DENND2B: variants seen among roughly 807,000 people sequenced by gnomAD.
DENND2B encodes DENN domain-containing protein 2B.
A neutral mutation model predicts 116.0 loss-of-function variants in DENND2B; 32 were observed. That is an observed-to-expected ratio of 0.28 (90% CI 0.21 to 0.37). The LOEUF (loss-of-function observed/expected upper bound fraction) is 0.37. DENND2B is among the 10% of genes least tolerant of loss of function. DENND2B has a pLI of 1.00. For synonymous variants in DENND2B, 588 were observed against 583.9 expected (o/e 1.01, Z -0.10); for missense variants, 1,276 against 1,477.7 (o/e 0.86, Z 2.24).
chr11:8,753,624 C>A (rs2052986401), intron 1 of DENND2B, among the ~76,000 whole-genome samples: 1 of 150,690 alleles, frequency 6.6e-6, no homozygotes, highest in Admixed American at 6.6e-5. Context: ...AAAAGATGAA[C>A]AAAGTTAGAA....
chr11:8,867,060 G>A (rs2063605790), intron 2 of DENND2B, among the ~76,000 whole-genome samples: 1 of 152,186 alleles, frequency 6.6e-6, no homozygotes, highest in African/African-American at 2.4e-5. Flanking sequence ...TTTTCTGCCT[G>A]TCAAGCTGCC....
intron 13 of DENND2B, among the ~76,000 whole-genome samples, chr11:8,705,682 T>C (rs547883794): frequency 2.4e-4 from 36 of 152,342 alleles, no homozygotes; most frequent in Admixed American, 1.2e-3. Flanking sequence ...CCCATCTCAG[T>C]ACATGGCTCC....
At chr11:8,800,502 G>C (rs1450199473) in intron 1 of DENND2B, among the ~76,000 whole-genome samples, 1 of 152,124 alleles carries the variant, frequency 6.6e-6, no homozygotes, top group Non-Finnish European at 1.5e-5. Flanking sequence ...CTGAAGAACA[G>C]GATGTTTGAC....
intron 1 of DENND2B, among the ~76,000 whole-genome samples, chr11:8,759,963 T>C (rs553857815): frequency 6.6e-6 from 1 of 152,172 alleles, no homozygotes; most frequent in Non-Finnish European, 1.5e-5. Flanking sequence ...AACCTCACCC[T>C]CAGCACTTGT....
intron 4 of DENND2B, among the ~76,000 whole-genome samples, chr11:8,833,953 G>A (rs930276744): frequency 1.3e-5 from 2 of 152,182 alleles, no homozygotes; most frequent in African/African-American, 4.8e-5. Flanking sequence ...ACCTTACCCT[G>A]TGGCCACAGA....
upstream of DENND2B, chr11:8,810,843 T>TCTCTCTCTCTCTCTCTCTCTC (rs1555203595): frequency 7.2e-5 from 11 of 152,026 alleles, no homozygotes; most frequent in African/African-American, 2.0e-4. Context: ...TCTCTCTCAG[T>TCTCTCTCTCTCTCTCTCTCTC]TCTGGGAGGC....
chr11:8,839,124 T>A (rs1166455152), intron 4 of DENND2B, among the ~76,000 whole-genome samples: 1 of 152,162 alleles, frequency 6.6e-6, no homozygotes, highest in Non-Finnish European at 1.5e-5. Context: ...GAATAAAGCT[T>A]GCAACATGAT....
intron 1 of DENND2B, among the ~76,000 whole-genome samples, chr11:8,778,507 T>C (rs920943477): frequency 3.9e-5 from 6 of 152,222 alleles, no homozygotes; most frequent in Admixed American, 3.3e-4. Flanking sequence ...ATACTACCCA[T>C]GTCTGTTGTT....
At chr11:8,798,696 G>A (rs911553619) in intron 1 of DENND2B, among the ~76,000 whole-genome samples, 6 of 152,024 alleles carry the variant, frequency 3.9e-5, no homozygotes, top group African/African-American at 1.4e-4. Flanking sequence ...ACATCTAAAT[G>A]GAGGGAAAAA....
At chr11:8,816,395 T>TA in intron 4 of DENND2B, among the ~76,000 whole-genome samples, 1 of 152,006 alleles carries the variant, frequency 6.6e-6, no homozygotes, top group Non-Finnish European at 1.5e-5. Flanking sequence ...ATAATAATTT[T>TA]AAAAAATTGG....
chr11:8,806,436 T>C (rs1357649639), intron 1 of DENND2B, among the ~76,000 whole-genome samples: 2 of 152,076 alleles, frequency 1.3e-5, no homozygotes, highest in Non-Finnish European at 2.9e-5. Context: ...GACAGTGAAA[T>C]CTAACATTCA....
Position 8,708,114 on chromosome 11 carries a change from C to T in DENND2B, c.2353-260G>A, listed in dbSNP as rs2042939346. The T allele has an allele frequency of 4.3e-6, 6 of 1,398,062 alleles. No individual in the cohort carries two copies. The East Asian group carries it at 1.7e-4, about 40-fold the overall frequency. The allele number at this position is 1,398,062 out of a possible 1,614,324, so 86.6% of individuals were successfully genotyped here. On this transcript the variant is annotated intron_variant, in intron 11 of 19. Transcript: ENST00000313726. ...GCTCCACACAGGCTCCACCCTTCCT[C>T]CCAGGAGGACGCTGACGGGGGCTGG...
intron 1 of DENND2B, among the ~76,000 whole-genome samples, chr11:8,793,753 C>T (rs902908931): frequency 2.6e-5 from 4 of 152,104 alleles, no homozygotes; most frequent in Non-Finnish European, 5.9e-5. Flanking sequence ...GGTCATATGG[C>T]AATTTGGGGC....
At chr11:8,849,218 C>T (rs1030998489) in intron 3 of DENND2B, among the ~76,000 whole-genome samples, 1 of 152,052 alleles carries the variant, frequency 6.6e-6, no homozygotes, top group African/African-American at 2.4e-5. Flanking sequence ...ACAGGCCGGG[C>T]GCGGTGGCTC....
Position 8,717,846 on chromosome 11 carries a change from G to C in DENND2B, c.1524C>G (p.Ser508Arg). 2 of 1,613,288 alleles carry C rather than the reference G, an allele frequency of 1.2e-6. No individual in the cohort carries two copies. Among genetic ancestry groups the C allele is most frequent in the Non-Finnish European group, 1.7e-6 (2 of 1,179,544 alleles). Residue 508 changes from serine (S) to arginine (R), a missense_variant, in exon 5 of 20, where the codon AGC becomes AGG. Physicochemically the swap from Ser to Arg is moderately radical, Grantham distance 110 (BLOSUM62 -1). Transcript: ENST00000313726. ...GCTGGGATTTTCGTCCTGCTCTTCG[G>C]CTCTTTAAGTCCACATCCTCATATG... Reference protein sequence around the residue: ...ENPYEDVDLKSRRAGRKSQQL... With the variant: ...ENPYEDVDLKRRRAGRKSQQL...
intron 2 of DENND2B, among the ~76,000 whole-genome samples, chr11:8,860,411 G>A (rs1023025446): frequency 6.6e-6 from 1 of 151,888 alleles, no homozygotes; most frequent in South Asian, 2.1e-4. Context: ...CCACCAAGAT[G>A]AGAATCAAAT....
chr11:8,816,324 T>A (rs1016856898), intron 4 of DENND2B, among the ~76,000 whole-genome samples: 1 of 152,054 alleles, frequency 6.6e-6, no homozygotes, highest in Non-Finnish European at 1.5e-5. Flanking sequence ...GGTGGGAGAA[T>A]TGCTTGAGCC....
rs562747478 is a variant in DENND2B, at chr11:8,823,483, G to A, written c.-114-12148C>T. Among the ~76,000 whole-genome samples the A allele has an allele frequency of 3.3e-5, 5 of 152,276 alleles. No homozygotes were observed. The South Asian group carries it at 1.0e-3, about 32-fold the overall frequency. On this transcript the variant is annotated intron_variant, in intron 4 of 6. Coordinates refer to the DENND2B transcript ENST00000524757. ...CACCACCCAAATCTCATCTTGAATT[G>A]TAGTTCCCATAATCCCCAGGTGTCA...
intron 1 of DENND2B, among the ~76,000 whole-genome samples, chr11:8,758,376 A>G (rs2053975651): frequency 6.6e-6 from 1 of 152,006 alleles, no homozygotes; most frequent in Non-Finnish European, 1.5e-5. Context: ...AGCATTACCA[A>G]TGGCTCATCT....
Sources: allele counts gnomAD v4.1 joint callset (sites outside exome capture counted in the v4.1 genomes callset), GRCh38; gene constraint gnomAD v4.1.1; transcripts MANE v1.5; gene names NCBI Gene and HGNC (gene_info 2026-07-23, HGNC 2026-07-21).